CLCNKA: variants seen among roughly 807,000 people sequenced by gnomAD.
CLCNKA encodes chloride channel protein ClC-Ka.
In CLCNKA, 66 loss-of-function variants were observed where a neutral mutation model predicts 83.3. That is an observed-to-expected ratio of 0.79 (90% confidence interval 0.65 to 0.97). The LOEUF is 0.97. Among genes scored for constraint, CLCNKA ranks in the 50% least tolerant of loss-of-function variants. The probability of loss-of-function intolerance (pLI) is 0.00; values close to 1 mark genes in which losing one functional copy is unlikely to be tolerated. For synonymous variants in CLCNKA, 357 were observed against 370.4 expected (o/e 0.96, Z 0.42); for missense variants, 806 against 888.7 (o/e 0.91, Z 1.18).
chr1:16,028,031 G>A lies in CLCNKA; in HGVS notation c.880G>A (p.Val294Ile), dbSNP rs777748952. 1.3e-5 allele frequency: 21 copies of A among 1,613,662 alleles called. No homozygotes were observed. Among genetic ancestry groups the A allele is most frequent in the Admixed American group, 1.7e-5 (1 of 59,894 alleles). The change falls in exon 10 of 20, where the codon GTC becomes ATC. Residue 294 changes from valine to isoleucine, a missense_variant. Physicochemically the swap from Val to Ile is conservative, Grantham distance 29. Transcript: ENST00000331433. ...TTCACCCCGCAGTGGCATCTGCGGC[G>A]TCCTGAGCTGTGCTTACCTCTTCTG... ...FFVALGGICG[V>I]LSCAYLFCQR... is the part of the protein sequence containing the mutation.
intron 3 of CLCNKA, among the ~76,000 whole-genome samples, chr1:16,024,317 G>T (rs2022263503): frequency 6.6e-6 from 1 of 152,210 alleles, no homozygotes; most frequent in Admixed American, 6.5e-5. Context: ...AGGCCTCCCT[G>T]GAAGAGGGGG....
intron 12 of CLCNKA, 83 bp from the exon 13 acceptor site, chr1:16,029,648 C>G (rs2022530151): frequency 6.6e-7 from 1 of 1,519,786 alleles, no homozygotes; most frequent in African/African-American, 1.4e-5. Context: ...CTAGGACACT[C>G]CCCTGTCCCC....
At position 16,028,756 on chromosome 1, in the gene CLCNKA, C is replaced by A. The variant is rs369441598; in HGVS notation, c.969-5C>A. The A allele has an allele frequency of 6.2e-5, 100 of 1,613,996 alleles. No homozygotes were observed. The South Asian group carries it at 6.7e-4, about 11-fold the overall frequency. On this transcript the variant is annotated splice_region_variant and splice_polypyrimidine_tract_variant and intron_variant, in intron 10 of 19. Coordinates refer to ENST00000331433, the MANE Select transcript of CLCNKA (RefSeq NM_004070.4). ...CCAGCCCTAGAGCTCACCCACCCCC[C>A]ACAGCAAGCCTGTGTACTCCGCTCT...
At chr1:16,029,373 G>T in intron 12 of CLCNKA, 74 bp downstream of exon 12, 1 of 1,599,548 alleles carries the variant, frequency 6.3e-7, no homozygotes. Flanking sequence ...GTGCCTCCCT[G>T]CACCTGGTGG....
At chr1:16,029,341 G>T in intron 12 of CLCNKA, 42 bp downstream of exon 12, 1 of 1,613,336 alleles carries the variant, frequency 6.2e-7, no homozygotes, top group Non-Finnish European at 8.5e-7. Flanking sequence ...GCCAGGACCA[G>T]CTCTGGTGGG....
At chr1:16,023,748 T>C in intron 2 of CLCNKA, 52 bp from the exon 3 acceptor site, 1 of 1,609,534 alleles carries the variant, frequency 6.2e-7, no homozygotes, top group African/African-American at 1.3e-5. Flanking sequence ...GGGAAGGGGC[T>C]GTCTGTGCCC....
chr1:16,022,217 C>T (rs530832644), intron 1 of CLCNKA, among the ~76,000 whole-genome samples, 154 bp downstream of exon 1: 3 of 152,058 alleles, frequency 2.0e-5, no homozygotes, highest in South Asian at 2.1e-4. Flanking sequence ...CCTGAGCTGT[C>T]GGGGAGAAAG....
chr1:16,023,704 G>A (rs1310943600), intron 2 of CLCNKA, 96 bp from the exon 3 acceptor site: 2 of 1,486,912 alleles, frequency 1.3e-6, no homozygotes, highest in Admixed American at 1.8e-5. Context: ...TCAACTACCA[G>A]GGTCCTCCCT....
chr1:16,029,879 G>C, intron 13 of CLCNKA, 79 bp downstream of exon 13: 3 of 1,605,900 alleles, frequency 1.9e-6, no homozygotes, highest in South Asian at 1.1e-5. Flanking sequence ...CCCTCTTCCC[G>C]GGTGGTACTA....
At chr1:16,023,178 A>G (rs2022209400) in intron 2 of CLCNKA, among the ~76,000 whole-genome samples, 1 of 152,232 alleles carries the variant, frequency 6.6e-6, no homozygotes, top group Non-Finnish European at 1.5e-5. Flanking sequence ...GACTAAGTGC[A>G]GTGCCAGTGG....
In CLCNKA at chr1:16,026,144, G is replaced by A; in HGVS notation, c.395G>A (p.Gly132Asp). Residue 132 changes from glycine (G) to aspartate (D), a missense_variant, in exon 5 of 20, where the codon GGT (glycine) becomes GAT (aspartate). Physicochemically the swap from Gly to Asp is moderately conservative, Grantham distance 94. Transcript: ENST00000331433. ...GIPELKTMLA[G>D]VILEDYLDIK... is the part of the protein sequence containing the mutation. ...CCGGAGCTGAAGACCATGTTGGCGG[G>A]TGTGATCTTGGAGGACTACCTGGAT... is the stretch of plus-strand genomic sequence containing the variant. The A allele has an allele frequency of 6.2e-7, 1 of 1,613,266 alleles. No homozygotes were observed. The highest frequency in any genetic ancestry group is 1.1e-5 in the South Asian group (1 of 91,032).
rs1028022958 is a variant in CLCNKA at position 16,030,519 on chromosome 1, T to C, written c.1467T>C (p.Phe489=). Residue 489 remains phenylalanine (F), a synonymous_variant, in exon 15 of 20, where the codon TTT becomes TTC. Coordinates refer to ENST00000331433, the MANE Select transcript of CLCNKA (RefSeq NM_004070.4). ...THTISTALLA[F]ELTGQIVHAL... The stretch of plus-strand genomic sequence containing the variant: ...CCATCTCCACGGCGCTGCTGGCCTT[T>C]GAGCTGACCGGCCAGATAGTGCATG... The C allele has an allele frequency of 6.2e-6, 10 of 1,612,970 alleles. No individual in the cohort carries two copies. The highest frequency in any genetic ancestry group is 1.7e-5 in the Admixed American group (1 of 60,010).
In CLCNKA at chr1:16,029,224, C is replaced by T; in HGVS notation, c.1152C>T (p.Pro384=). The T allele has an allele frequency of 6.2e-7, 1 of 1,613,804 alleles. No individual in the cohort carries two copies. The highest frequency in any genetic ancestry group is 8.5e-7 in the Non-Finnish European group (1 of 1,179,928). ...CACCCTGGCCCGAGGAGCTCGACCC[C>T]CAGCACCTTTGGTGGGAATGGTACC... ...SSPPWPEELD[P]QHLWWEWYHP... The change falls in exon 12 of 20, where the codon CCC becomes CCT. Residue 384 remains proline, a synonymous_variant. Transcript: ENST00000331433.
At chr1:16,027,471 T>C (rs1159655516) in intron 8 of CLCNKA, 36 bp downstream of exon 8, 1 of 1,611,522 alleles carries the variant, frequency 6.2e-7, no homozygotes, top group African/African-American at 1.3e-5. Context: ...TGGCCCTGCC[T>C]GGGGGCCGGG....
chr1:16,033,689 C>T lies in CLCNKA; in HGVS notation c.*31C>T, dbSNP rs1279253767. ...CCCAGCAAGATGAAACAGGGCACCC[C>T]AGCTGACCTGGTACTGAGGTTGGGC... On this transcript the variant is annotated 3_prime_UTR_variant, in exon 20 of 20. Transcript: ENST00000331433. The T allele has an allele frequency of 6.2e-7, 1 of 1,609,988 alleles. No individual in the cohort carries two copies. The highest frequency in any genetic ancestry group is 2.2e-5 in the East Asian group (1 of 44,646).
At position 16,029,080 on chromosome 1, in the gene CLCNKA, G is replaced by A. The variant is rs758637571; in HGVS notation, c.1054-46G>A. 21 of 1,596,412 alleles carry A rather than the reference G, an allele frequency of 1.3e-5. No homozygotes were observed. The African/African-American group carries it at 1.9e-4, about 15-fold the overall frequency. On this transcript the variant is annotated intron_variant, in intron 11 of 19. Transcript: ENST00000331433. ...GGTGCGGGGGAGGCTGGGGTCTGCC[G>A]CTGGGGGGGGCCCCTCATGTCCAGT...
chr1:16,024,053 T>C, intron 3 of CLCNKA, 125 bp downstream of exon 3: 1 of 1,158,394 alleles, frequency 8.6e-7, no homozygotes. Flanking sequence ...GCTCTGGCTC[T>C]ACTCCTGATT....
chr1:16,024,023 C>A (rs117751123), intron 3 of CLCNKA, 95 bp downstream of exon 3: 1 of 1,491,562 alleles, frequency 6.7e-7, no homozygotes, highest in Non-Finnish European at 9.3e-7. Context: ...GGTGCAGGGA[C>A]GGACCTGGGT....
Position 16,033,151 on chromosome 1 carries a change from C to A in CLCNKA, c.1930-19C>A, listed in dbSNP as rs980135378. 6.2e-7 allele frequency: 1 copy of A among 1,613,494 alleles called. No homozygotes were observed. The highest frequency in any genetic ancestry group is 1.3e-5 in the African/African-American group (1 of 74,944). On this transcript the variant is annotated intron_variant, in intron 18 of 19. Coordinates refer to ENST00000331433, the MANE Select transcript of CLCNKA (RefSeq NM_004070.4). ...GGCGCCATCTACCCTCCAGTGTTTCCTAACAATCCCCCATCCAGGCACAAA... is the reference window on the plus strand; with the variant it reads ...GGCGCCATCTACCCTCCAGTGTTTCATAACAATCCCCCATCCAGGCACAAA...
Sources: allele counts gnomAD v4.1 joint callset (sites outside exome capture counted in the v4.1 genomes callset), GRCh38; gene constraint gnomAD v4.1.1; transcripts MANE v1.5; gene names NCBI Gene and HGNC (gene_info 2026-07-23, HGNC 2026-07-21).